KIF16B: variants seen among roughly 807,000 people sequenced by gnomAD.
KIF16B encodes the protein kinesin family member 16B.
Under a neutral mutation model 156.3 loss-of-function variants are expected in KIF16B, and 98 were observed. The ratio of observed to expected loss-of-function variants is 0.63; its 90% CI spans 0.53 to 0.74. The LOEUF is 0.74. KIF16B is among the 30% of genes least tolerant of loss of function. KIF16B has a pLI of 0.00. For missense variants in KIF16B, 1,421 were observed against 1,606.5 expected (o/e 0.88, Z 1.97); for synonymous variants, 564 against 583.7 (o/e 0.97, Z 0.49).
In KIF16B at chr20:16,451,546, C is replaced by A. The variant is rs1399087491; in HGVS notation, c.1303-21564G>T. ...TACTACCATGTTAAAAAAAAAAAAA[C>A]CACCACCACCACAACAACAACAACA... On this transcript the variant is annotated intron_variant, in intron 12 of 25. Coordinates refer to ENST00000354981, the MANE Select transcript of KIF16B (RefSeq NM_024704.5). 3.8e-5 allele frequency among the ~76,000 whole-genome samples: 5 copies of A among 131,288 alleles called. No individual in the cohort carries two copies. In the South Asian group the frequency reaches 7.6e-4, roughly 20 times the overall value. 86.1% of individuals were successfully genotyped at this position (131,288 alleles called of 152,430 possible).
At chr20:16,396,486 G>A (rs867798391) in intron 17 of KIF16B, among the ~76,000 whole-genome samples, 7 of 151,786 alleles carry the variant, frequency 4.6e-5, no homozygotes, top group Middle Eastern at 6.8e-3. Context: ...ATCCATCTTG[G>A]TAAAAGATAT....
chr20:16,452,897 A>C (rs1046019720), intron 12 of KIF16B, among the ~76,000 whole-genome samples: 4 of 151,938 alleles, frequency 2.6e-5, no homozygotes, highest in African/African-American at 9.7e-5. Context: ...AAAACGAAGA[A>C]AAAAAAATAG....
chr20:16,429,979 G>C lies in KIF16B; in HGVS notation c.1306C>G (p.Gln436Glu). 2.5e-6 allele frequency: 4 copies of C among 1,598,522 alleles called. No individual in the cohort carries two copies. In the South Asian group the frequency reaches 3.5e-5, roughly 14 times the overall value. ...CCTTCTTTCCTGAGGGCTAGAGTTT[G>C]TTCCTGAAATTAAGAGGAAAAGAAA... ...WNETQNILKE[Q>E]TLALRKEGIG... Residue 436 changes from glutamine to glutamate, a missense_variant, in exon 13 of 26, where the codon CAA (glutamine) becomes GAA (glutamate). Physicochemically the swap from Gln to Glu is conservative, Grantham distance 29 (BLOSUM62 2). Transcript: ENST00000354981.
intron 10 of KIF16B, among the ~76,000 whole-genome samples, chr20:16,499,796 T>C (rs1380621952): frequency 2.6e-5 from 4 of 152,212 alleles, no homozygotes; most frequent in African/African-American, 9.7e-5. Flanking sequence ...TGGAACATTA[T>C]TTTTAAGCAC....
chr20:16,367,345 A>C lies in KIF16B; in HGVS notation c.3498+3241T>G, dbSNP rs150088496. 442 of 1,612,910 alleles carry C rather than the reference A, an allele frequency of 2.7e-4. 2 individuals carry two copies. The East Asian group carries it at 9.1e-3, about 33-fold the overall frequency. ...TGAAGGTTTGAGTTTCTGTAAGAAG[A>C]CTAGTTCTACTGTTGACACATTTTT... is the stretch of plus-strand genomic sequence containing the variant. On this transcript the variant is annotated intron_variant, in intron 22 of 25. Coordinates refer to ENST00000354981, the MANE Select transcript of KIF16B (RefSeq NM_024704.5).
At chr20:16,471,480 G>A (rs938415480) in intron 12 of KIF16B, among the ~76,000 whole-genome samples, 1 of 152,152 alleles carries the variant, frequency 6.6e-6, no homozygotes, top group African/African-American at 2.4e-5. Flanking sequence ...GTATAATTTT[G>A]TATCATCACA....
intron 1 of KIF16B, among the ~76,000 whole-genome samples, chr20:16,531,894 C>G (rs1187001396): frequency 1.3e-5 from 2 of 151,906 alleles, no homozygotes; most frequent in Admixed American, 6.6e-5. Context: ...ATGGCAAAAC[C>G]CCGCCTCTAC....
Position 16,374,377 on chromosome 20 carries a change from T to A in KIF16B, c.3230A>T (p.Lys1077Met), listed in dbSNP as rs769613439. Residue 1077 changes from lysine to methionine, a missense_variant, in exon 20 of 26, where the codon AAG becomes ATG. By Grantham distance (95) the Lys-to-Met change is moderately conservative. Transcript: ENST00000354981. ...LEYEIQQLKQ[K>M]IYEVDGVQKD... ...TTGAACACCATCGACCTCATAAATC[T>A]TCTGTTTCAGCTGCTGGATTTCATA... 5 of 1,593,936 alleles carry A rather than the reference T, an allele frequency of 3.1e-6. No homozygotes were observed. Among genetic ancestry groups the A allele is most frequent in the Non-Finnish European group, 3.4e-6 (4 of 1,168,414 alleles).
intron 25 of KIF16B, among the ~76,000 whole-genome samples, chr20:16,290,625 C>T (rs2063300930): frequency 6.6e-6 from 1 of 152,178 alleles, no homozygotes. Flanking sequence ...GCCTTGGGAG[C>T]TCTTCCTGAG....
intron 12 of KIF16B, among the ~76,000 whole-genome samples, chr20:16,432,589 T>G (rs2066530800): frequency 6.6e-6 from 1 of 152,000 alleles, no homozygotes; most frequent in African/African-American, 2.4e-5. Flanking sequence ...AAAGCAAAAC[T>G]CAAACCCTGT....
chr20:16,539,633 G>T (rs557452255), intron 1 of KIF16B, among the ~76,000 whole-genome samples: 2 of 152,264 alleles, frequency 1.3e-5, no homozygotes, highest in East Asian at 3.9e-4. Context: ...AGCTTCCTGA[G>T]GCCTCCCCAG....
At chr20:16,329,175 C>T (rs572156426) in intron 24 of KIF16B, among the ~76,000 whole-genome samples, 8 of 152,266 alleles carry the variant, frequency 5.3e-5, no homozygotes, top group South Asian at 2.1e-4. Flanking sequence ...GGGATACTAG[C>T]TCTTCACTAC....
rs75614949 is a variant in KIF16B, at chr20:16,566,340, T to C, written c.47+6889A>G. On this transcript the variant is annotated intron_variant, in intron 1 of 25. Transcript: ENST00000354981. Reference sequence around the variant, plus strand: ...AGTGGTGGCAGGAAAGTCAGGGAGATAATAATGCATAAAAGGCACTTTGCA... The same window carrying C: ...AGTGGTGGCAGGAAAGTCAGGGAGACAATAATGCATAAAAGGCACTTTGCA... 6.9e-3 allele frequency among the ~76,000 whole-genome samples: 1,046 copies of C among 152,308 alleles called. 20 individuals carry two copies. Among genetic ancestry groups the C allele is most frequent in the African/African-American group, 0.024 (986 of 41,562 alleles).
At chr20:16,462,857 C>T (rs988222307) in intron 12 of KIF16B, among the ~76,000 whole-genome samples, 10 of 152,178 alleles carry the variant, frequency 6.6e-5, no homozygotes, top group African/African-American at 9.7e-5. Context: ...CAAGCACATT[C>T]GACATGGAGG....
intron 12 of KIF16B, among the ~76,000 whole-genome samples, chr20:16,462,087 A>G (rs1163863916): frequency 6.6e-6 from 1 of 152,096 alleles, no homozygotes; most frequent in Non-Finnish European, 1.5e-5. Flanking sequence ...TGTCTCTACT[A>G]AAAATTAGCT....
At chr20:16,534,152 G>A (rs1256567455) in intron 1 of KIF16B, among the ~76,000 whole-genome samples, 1 of 152,090 alleles carries the variant, frequency 6.6e-6, no homozygotes, top group South Asian at 2.1e-4. Flanking sequence ...CTACTCGGGA[G>A]GCTGAGGCAG....
At chr20:16,384,484 T>C (rs1304021480) in intron 17 of KIF16B, among the ~76,000 whole-genome samples, 2 of 152,158 alleles carry the variant, frequency 1.3e-5, no homozygotes, top group Non-Finnish European at 1.5e-5. Flanking sequence ...TGGCAAGACA[T>C]GAAGCTCAAG....
At chr20:16,478,113 G>A (rs909675947) in intron 12 of KIF16B, among the ~76,000 whole-genome samples, 3 of 152,142 alleles carry the variant, frequency 2.0e-5, no homozygotes, top group Admixed American at 2.0e-4. Flanking sequence ...AGCTGGAGGA[G>A]TGCCCAGAGG....
chr20:16,453,148 T>C (rs1175584741), intron 12 of KIF16B, among the ~76,000 whole-genome samples: 1 of 151,418 alleles, frequency 6.6e-6, no homozygotes, highest in Non-Finnish European at 1.5e-5. Flanking sequence ...TATGCACCTG[T>C]AGCCCCAGCT....
Sources: gnomAD v4.1 joint callset for allele counts (sites outside exome capture counted in the v4.1 genomes callset) on GRCh38, gnomAD v4.1.1 for gene constraint, MANE v1.5 for transcripts, NCBI Gene and HGNC (gene_info 2026-07-23, HGNC 2026-07-21) for gene names.